Variants in SGSM1 observed in about 807,000 individuals in gnomAD.
SGSM1 encodes RUN and TBC1 domain containing 2.
SGSM1 carries 73 observed loss-of-function variants against 133.8 expected under a neutral mutation model. The observed-to-expected ratio is 0.55, with a 90% confidence interval of 0.45 to 0.66. The LOEUF is 0.66. Among genes scored for constraint, SGSM1 ranks in the 30% least tolerant of loss-of-function variants. The probability of loss-of-function intolerance (pLI) is 0.00; values close to 1 mark genes in which losing one functional copy is unlikely to be tolerated. For missense variants in SGSM1, 1,213 were observed against 1,448.1 expected (o/e 0.84, Z 2.64); for synonymous variants, 563 against 573.0 (o/e 0.98, Z 0.25).
chr22:24,864,471 G>A (rs1931339249), intron 9 of SGSM1, among the ~76,000 whole-genome samples: 1 of 152,210 alleles, frequency 6.6e-6, no homozygotes, highest in Non-Finnish European at 1.5e-5. Flanking sequence ...GTCCATCCAT[G>A]CAACAGAATA....
chr22:24,874,664 G>T, intron 12 of SGSM1: 2 of 1,455,986 alleles, frequency 1.4e-6, no homozygotes, highest in Non-Finnish European at 9.1e-7. Context: ...TCCCAAGGGA[G>T]ATGGAGGCAG....
intron 2 of SGSM1, among the ~76,000 whole-genome samples, chr22:24,809,932 T>C (rs1214092028): frequency 6.6e-6 from 1 of 152,044 alleles, no homozygotes. Context: ...AGTAGGACTT[T>C]AAGGTGAAGA....
chr22:24,840,924 C>A (rs754280452), intron 2 of SGSM1, among the ~76,000 whole-genome samples: 1 of 152,186 alleles, frequency 6.6e-6, no homozygotes, highest in East Asian at 1.9e-4. Flanking sequence ...TATCTCGGCT[C>A]ACTGCAAGCT....
chr22:24,828,385 C>T lies in SGSM1; in HGVS notation c.64-16512C>T, dbSNP rs115892485. On this transcript the variant is annotated intron_variant, in intron 2 of 24. Transcript: ENST00000400358. The stretch of plus-strand genomic sequence containing the variant: ...AAGTATTCTATAAAAGCACCTGGCA[C>T]GTAGAGGATGTTCAAGTAAGGAACT... 2.3e-3 allele frequency among the ~76,000 whole-genome samples: 353 copies of T among 152,110 alleles called. 1 individual carries two copies. Among genetic ancestry groups the T allele is most frequent in the African/African-American group, 7.9e-3 (328 of 41,472 alleles).
Position 24,850,371 on chromosome 22 carries a change from C to T in SGSM1, c.394C>T (p.Arg132Cys), listed in dbSNP as rs776359686. 3.1e-6 allele frequency: 5 copies of T among 1,613,998 alleles called. No individual in the cohort carries two copies. In the Admixed American group the frequency reaches 5.0e-5, roughly 16 times the overall value. ...ACTTGCCATCAAGCATCTGTGGATTCGCACAGCCTTGTTTGAGAAGGTCCT... is the reference window on the plus strand; with the variant it reads ...ACTTGCCATCAAGCATCTGTGGATTTGCACAGCCTTGTTTGAGAAGGTCCT... ...SPLAIKHLWI[R>C]TALFEKVLDK... is the part of the protein sequence containing the mutation. Residue 132 changes from arginine (R) to cysteine (C), a missense_variant, in exon 5 of 25, where the codon CGC (arginine) becomes TGC (cysteine). Coordinates refer to ENST00000400358, the MANE Select transcript of SGSM1 (RefSeq NM_001098497.3).
At chr22:24,810,845 A>T (rs1927693127) in intron 2 of SGSM1, among the ~76,000 whole-genome samples, 1 of 152,122 alleles carries the variant, frequency 6.6e-6, no homozygotes, top group Non-Finnish European at 1.5e-5. Context: ...GTTAGGGGTG[A>T]TGAGATGGGA....
chr22:24,913,820 G>C (rs1304789412), intron 22 of SGSM1, among the ~76,000 whole-genome samples: 1 of 151,660 alleles, frequency 6.6e-6, no homozygotes, highest in Admixed American at 6.6e-5. Flanking sequence ...AGGAGTTTGA[G>C]ACCAGCCCGG....
chr22:24,850,924 C>G (rs1272989057), intron 5 of SGSM1, among the ~76,000 whole-genome samples: 3 of 151,932 alleles, frequency 2.0e-5, no homozygotes, highest in Admixed American at 2.0e-4. Flanking sequence ...GGTGAAACCC[C>G]GTCTCTACTA....
At chr22:24,920,041 GC>G (rs1569180602) in intron 24 of SGSM1, 48 bp downstream of exon 24, 1 of 1,544,210 alleles carries the variant, frequency 6.5e-7, no homozygotes, top group African/African-American at 1.4e-5. Context: ...GCTTCTGGAG[GC>G]CCCTTTTGGG....
chr22:24,855,943 A>G (rs1381108226), intron 8 of SGSM1: 1 of 645,964 alleles, frequency 1.5e-6, no homozygotes, highest in South Asian at 1.6e-5. Flanking sequence ...CTTTACATCC[A>G]TCTATCCAAC....
intron 2 of SGSM1, among the ~76,000 whole-genome samples, chr22:24,838,795 C>G (rs1929623981): frequency 6.6e-6 from 1 of 151,696 alleles, no homozygotes; most frequent in African/African-American, 2.4e-5. Context: ...GTTTTTAAAT[C>G]AGGAAGTATG....
At chr22:24,889,786 A>C (rs946829537) in intron 16 of SGSM1, among the ~76,000 whole-genome samples, 1 of 149,362 alleles carries the variant, frequency 6.7e-6, no homozygotes, top group East Asian at 2.0e-4. Context: ...AATAGCTGGG[A>C]CTACAGGCGC....
chr22:24,840,213 G>C (rs1024803909), intron 2 of SGSM1, among the ~76,000 whole-genome samples: 1 of 151,956 alleles, frequency 6.6e-6, no homozygotes, highest in Admixed American at 6.6e-5. Context: ...CAGATTGCTG[G>C]GATTACAGGT....
chr22:24,900,029 CT>C (rs61298228), intron 19 of SGSM1, among the ~76,000 whole-genome samples: 66,424 of 133,052 alleles, frequency 0.5, 16,585 homozygotes, highest in East Asian at 0.76. Context: ...TAGTCTCTTG[CT>C]TTTTTTTTTT....
chr22:24,886,655 A>T lies in SGSM1; in HGVS notation c.1697A>T (p.Glu566Val), dbSNP rs765815809. 34 of 1,561,010 alleles carry T rather than the reference A, an allele frequency of 2.2e-5. No individual in the cohort carries two copies. Among genetic ancestry groups the T allele is most frequent in the Non-Finnish European group, 2.8e-5 (32 of 1,152,756 alleles). The change falls in exon 16 of 25, where the codon GAG becomes GTG. Residue 566 changes from glutamate (E) to valine (V), a missense_variant. By Grantham distance (121) the Glu-to-Val change is moderately radical. Coordinates refer to ENST00000400358, the MANE Select transcript of SGSM1 (RefSeq NM_001098497.3). ...ATCTACTACGGGGGCATCCAGCCTG[A>T]GATCCGCAAGGCCGTGTGGCCCTTC... ...RLIYYGGIQPEIRKAVWPFLL... is the reference protein window; with the variant it reads ...RLIYYGGIQPVIRKAVWPFLL...
At chr22:24,900,338 CTCT>C (rs1164712094) in intron 19 of SGSM1, among the ~76,000 whole-genome samples, 5 of 133,978 alleles carry the variant, frequency 3.7e-5, no homozygotes, top group Non-Finnish European at 6.3e-5. Context: ...TATTGTTAAC[CTCT>C]TCTTTCTTTC....
intron 9 of SGSM1, among the ~76,000 whole-genome samples, chr22:24,862,430 C>G (rs1002569794): frequency 1.3e-5 from 2 of 152,198 alleles, no homozygotes; most frequent in African/African-American, 4.8e-5. Flanking sequence ...TGTAGTCACA[C>G]AGTCCATCTG....
intron 2 of SGSM1, among the ~76,000 whole-genome samples, chr22:24,810,451 C>G (rs1927671233): frequency 6.6e-6 from 1 of 151,902 alleles, no homozygotes; most frequent in Admixed American, 6.6e-5. Context: ...TGGCTCCTTC[C>G]TGGCTTCCTT....
chr22:24,831,168 G>A (rs1050751482), intron 2 of SGSM1, among the ~76,000 whole-genome samples: 1 of 151,832 alleles, frequency 6.6e-6, no homozygotes, highest in African/African-American at 2.4e-5. Context: ...GTGCTCTTAG[G>A]ATCAACACCA....
Sources: allele counts gnomAD v4.1 joint callset (sites outside exome capture counted in the v4.1 genomes callset), GRCh38; gene constraint gnomAD v4.1.1; transcripts MANE v1.5; gene names NCBI Gene and HGNC (gene_info 2026-07-23, HGNC 2026-07-21).